Variants in POLK observed in about 807,000 individuals in gnomAD.
The protein encoded by POLK is DNA polymerase kappa, also known as polymerase (DNA directed) kappa.
A neutral mutation model predicts 94.0 loss-of-function variants in POLK; 76 were observed. That is an observed-to-expected ratio of 0.81 (90% CI 0.67 to 0.98). The LOEUF (loss-of-function observed/expected upper bound fraction) is 0.98. Ranked by LOEUF, POLK falls within the 50% of genes least tolerant of loss-of-function variation. The probability of loss-of-function intolerance (pLI) is 0.00; values close to 1 mark genes in which losing one functional copy is unlikely to be tolerated. For synonymous variants in POLK, 349 were observed against 325.4 expected (o/e 1.07, Z -0.78); for missense variants, 954 against 1,010.1 (o/e 0.94, Z 0.75).
At chr5:75,609,071 T>G in the POLK span, 1 of 152,212 alleles carries the variant, frequency 6.6e-6, no homozygotes, top group Non-Finnish European at 1.5e-5. Flanking sequence ...AGTTTTTGTC[T>G]CATCTGTTAG....
intron 1 of POLK, among the ~76,000 whole-genome samples, chr5:75,515,517 C>T (rs1246531259): frequency 5.9e-5 from 9 of 152,052 alleles, no homozygotes; most frequent in African/African-American, 2.2e-4. Flanking sequence ...TCCATTCATC[C>T]ATTGATGGTT....
At chr5:75,575,055 G>A (rs1464964651) in intron 5 of POLK, among the ~76,000 whole-genome samples, 2 of 152,194 alleles carry the variant, frequency 1.3e-5, no homozygotes, top group African/African-American at 4.8e-5. Flanking sequence ...TCAAATTTGA[G>A]CCGGATCTAG....
chr5:75,511,894 G>T (rs1392519931), exon 1 of POLK: 2 of 1,436,116 alleles, frequency 1.4e-6, no homozygotes, highest in Non-Finnish European at 1.9e-6. Flanking sequence ...GGGAGTTGTA[G>T]TCGCGATCCT....
chr5:75,558,410 G>A (rs571617805), intron 3 of POLK, among the ~76,000 whole-genome samples: 1 of 152,052 alleles, frequency 6.6e-6, no homozygotes, highest in East Asian at 1.9e-4. Flanking sequence ...TGTTTTCCCT[G>A]CATAGTATTA....
In POLK at chr5:75,598,084, T is replaced by C. The variant is rs786205688; in HGVS notation, c.*66T>C. On this transcript the variant is annotated 3_prime_UTR_variant, in exon 15 of 15. Coordinates refer to ENST00000241436, the Ensembl canonical transcript of POLK. ...TATTTTATAATCAATGAATTTGTTC[T>C]TTCTGATTTTAAGTTTGCAGATTTA... is the stretch of plus-strand genomic sequence containing the variant. 1 of 659,602 alleles carries C rather than the reference T, an allele frequency of 1.5e-6. No homozygotes were observed. The highest frequency in any genetic ancestry group is 2.4e-6 in the Non-Finnish European group (1 of 409,902). 40.9% of individuals were successfully genotyped at this position (659,602 alleles called of 1,614,324 possible).
In POLK at chr5:75,524,145, A is replaced by G. The variant is rs182001572; in HGVS notation, c.-14+12231A>G. 5.5e-4 allele frequency among the ~76,000 whole-genome samples: 83 copies of G among 151,372 alleles called. 2 individuals are homozygous for G. In the East Asian group the frequency reaches 0.015, roughly 27 times the overall value. ...CTCCGTCTCAAAAAAAAAAAACAACAAAAAAAAACTTTCAGATTGTAAAAA... is the reference window on the plus strand; with the variant it reads ...CTCCGTCTCAAAAAAAAAAAACAACGAAAAAAAACTTTCAGATTGTAAAAA... On this transcript the variant is annotated intron_variant, in intron 1 of 14. Transcript: ENST00000241436.
chr5:75,584,682 A>AT, intron 8 of POLK, 78 bp from the exon 9 acceptor site: 2 of 869,598 alleles, frequency 2.3e-6, no homozygotes, highest in Non-Finnish European at 3.4e-6. Context: ...AAAAAAAAAA[A>AT]AAGTGTAATG....
intron 1 of POLK, among the ~76,000 whole-genome samples, chr5:75,513,902 A>G (rs1206615137): frequency 2.0e-5 from 3 of 152,042 alleles, no homozygotes; most frequent in Non-Finnish European, 4.4e-5. Context: ...TTTTAAAGGC[A>G]TACTATATAA....
At chr5:75,601,590 T>C (rs1193603761), downstream of POLK, among the ~76,000 whole-genome samples, 3 of 152,172 alleles carry the variant, frequency 2.0e-5, no homozygotes, top group African/African-American at 7.2e-5. Context: ...GTGGAAGGAC[T>C]ACACTGGCTA....
rs190547319 is a variant in POLK, at chr5:75,564,228, T to C, written c.256-5112T>C. Among the ~76,000 whole-genome samples, 134 of 151,734 alleles carry C rather than the reference T, an allele frequency of 8.8e-4. 1 individual carries two copies. Among genetic ancestry groups the C allele is most frequent in the African/African-American group, 3.2e-3 (130 of 41,018 alleles). On this transcript the variant is annotated intron_variant, in intron 3 of 14. Transcript: ENST00000241436. ...ACTGGGATTGCAACCCCTGCTTTTT[T>C]TTCTTCTTTCTTTCTTTCTTTCTTT...
chr5:75,562,297 G>A (rs779793431), intron 3 of POLK, among the ~76,000 whole-genome samples: 1 of 152,184 alleles, frequency 6.6e-6, no homozygotes, highest in Non-Finnish European at 1.5e-5. Flanking sequence ...GTTCACTCAT[G>A]ATTTGGCTCT....
chr5:75,605,089 A>G (rs1181909517), downstream of POLK, among the ~76,000 whole-genome samples: 1 of 149,264 alleles, frequency 6.7e-6, no homozygotes, highest in Non-Finnish European at 1.5e-5. Context: ...AAAGTGTAGT[A>G]TGATTTCAAA....
intron 11 of POLK, 51 bp from the exon 12 acceptor site, chr5:75,593,827 A>G: frequency 8.7e-7 from 1 of 1,146,790 alleles, no homozygotes; most frequent in Non-Finnish European, 1.2e-6. Flanking sequence ...TGGACAACAG[A>G]GAGAGACCCT....
chr5:75,586,904 A>T, intron 9 of POLK, 122 bp from the exon 10 acceptor site: 1 of 642,160 alleles, frequency 1.6e-6, no homozygotes, highest in East Asian at 3.0e-5. Context: ...GTTTTTCATG[A>T]TGTATAAATT....
At chr5:75,580,824 G>A (rs1040680206) in intron 6 of POLK, among the ~76,000 whole-genome samples, 4 of 148,612 alleles carry the variant, frequency 2.7e-5, no homozygotes, top group African/African-American at 9.8e-5. Flanking sequence ...TCTAATTTTC[G>A]AAGATTCTTT....
chr5:75,539,752 C>A (rs1769642313), intron 1 of POLK, among the ~76,000 whole-genome samples: 1 of 152,144 alleles, frequency 6.6e-6, no homozygotes, highest in Non-Finnish European at 1.5e-5. Context: ...AGCCACCACA[C>A]CCTACTTGCA....
At chr5:75,545,946 C>CATGT (rs1271022913) in intron 1 of POLK, among the ~76,000 whole-genome samples, 4 of 152,154 alleles carry the variant, frequency 2.6e-5, no homozygotes, top group Admixed American at 2.0e-4. Flanking sequence ...ATGGCCCTCA[C>CATGT]ATGTAGTGCC....
chr5:75,601,861 A>G (rs1165891109), downstream of POLK, among the ~76,000 whole-genome samples: 1 of 151,002 alleles, frequency 6.6e-6, no homozygotes, highest in Non-Finnish European at 1.5e-5. Flanking sequence ...TTCCTAAGAA[A>G]CTCCCCTTCA....
intron 3 of POLK, among the ~76,000 whole-genome samples, chr5:75,564,528 C>T (rs576910238): frequency 5.9e-5 from 9 of 152,254 alleles, no homozygotes; most frequent in African/African-American, 1.2e-4. Flanking sequence ...TGCCTGGTAC[C>T]GGTTTTTCCT....
Sources: allele counts gnomAD v4.1 joint callset (sites outside exome capture counted in the v4.1 genomes callset), GRCh38; gene constraint gnomAD v4.1.1; transcripts MANE v1.5; gene names NCBI Gene and HGNC (gene_info 2026-07-23, HGNC 2026-07-21).